The following REEP3 variants were observed in gnomAD, a reference collection of about 807,000 sequenced individuals.
REEP3 encodes receptor expression-enhancing protein 3.
REEP3 carries 20 observed loss-of-function variants against 41.3 expected under a neutral mutation model. The observed-to-expected ratio is 0.48, with a 90% CI of 0.34 to 0.70. The LOEUF is 0.70. Among genes scored for constraint, REEP3 ranks in the 30% least tolerant of loss-of-function variants. The pLI, the probability that REEP3 is intolerant of heterozygous loss-of-function variation, is 0.01. For missense variants in REEP3, 271 were observed against 308.8 expected (o/e 0.88, Z 0.92); for synonymous variants, 104 against 101.8 (o/e 1.02, Z -0.13).
intron 2 of REEP3, among the ~76,000 whole-genome samples, chr10:63,590,572 G>T (rs1036606700): frequency 6.6e-6 from 1 of 152,054 alleles, no homozygotes; most frequent in Admixed American, 6.6e-5. Flanking sequence ...TACATAGAAG[G>T]GAGGTGCAGA....
chr10:63,613,929 CA>C (rs1344384479), intron 6 of REEP3, among the ~76,000 whole-genome samples: 3 of 152,008 alleles, frequency 2.0e-5, no homozygotes, highest in African/African-American at 4.8e-5. Context: ...AGCATGATAT[CA>C]AAACCAGAAA....
chr10:63,604,008 T>C (rs1307332397), intron 5 of REEP3, among the ~76,000 whole-genome samples: 1 of 152,174 alleles, frequency 6.6e-6, no homozygotes, highest in Non-Finnish European at 1.5e-5. Context: ...ATCTGAAAAT[T>C]ATTTAACATT....
chr10:63,609,698 T>C (rs1312915826), intron 5 of REEP3, among the ~76,000 whole-genome samples: 1 of 152,064 alleles, frequency 6.6e-6, no homozygotes, highest in East Asian at 1.9e-4. Flanking sequence ...GAGGTAGAGG[T>C]TGCAGTAGCC....
At chr10:63,567,051 T>C in intron 2 of REEP3, among the ~76,000 whole-genome samples, 1 of 152,180 alleles carries the variant, frequency 6.6e-6, no homozygotes, top group East Asian at 1.9e-4. Flanking sequence ...TAAATGGCCT[T>C]CCCCACCTAT....
chr10:63,562,385 G>A (rs572639027), intron 1 of REEP3, among the ~76,000 whole-genome samples: 1 of 152,114 alleles, frequency 6.6e-6, no homozygotes, highest in East Asian at 1.9e-4. Flanking sequence ...AGCCTCCTGG[G>A]TAGCTGGGAT....
In REEP3 at chr10:63,610,246, C is replaced by T. The variant is rs1956267191; in HGVS notation, c.477C>T (p.Ile159=). The part of the protein sequence containing the change: ...RSFSMHDLTT[I]QGDEPVGQRP... ...TCAGTATGCATGATTTAACAACTAT[C>T]CAAGGTGATGAGCCTGTGGGACAAA... The change falls in exon 6 of 8, where the codon ATC becomes ATT. Residue 159 remains isoleucine, a synonymous_variant. Coordinates refer to ENST00000373758, the MANE Select transcript of REEP3 (RefSeq NM_001001330.3). 2 of 1,602,820 alleles carry T rather than the reference C, an allele frequency of 1.2e-6. No homozygotes were observed. Among genetic ancestry groups the T allele is most frequent in the South Asian group, 2.2e-5 (2 of 89,200 alleles).
chr10:63,540,005 A>G (rs896709534), intron 1 of REEP3, among the ~76,000 whole-genome samples: 1 of 152,264 alleles, frequency 6.6e-6, no homozygotes, highest in African/African-American at 2.4e-5. Flanking sequence ...CAAAAATTGT[A>G]AAATATTCTC....
intron 1 of REEP3, among the ~76,000 whole-genome samples, chr10:63,559,918 T>C (rs7898861): frequency 0.47 from 71,696 of 151,916 alleles, 17,214 homozygotes; most frequent in Middle Eastern, 0.56. Flanking sequence ...TAAATAATAT[T>C]TTTAAAGAAT....
chr10:63,561,855 G>C (rs1457149891), intron 1 of REEP3, among the ~76,000 whole-genome samples: 2 of 152,134 alleles, frequency 1.3e-5, no homozygotes, highest in African/African-American at 4.8e-5. Context: ...TGAAAGAAGT[G>C]AAGAATCCCA....
intron 1 of REEP3, 132 bp downstream of exon 1, chr10:63,521,709 G>A (rs1211437830): frequency 1.8e-5 from 9 of 509,578 alleles, no homozygotes; most frequent in Non-Finnish European, 2.7e-5. Flanking sequence ...GGCCTGCCGA[G>A]GGTCTGGGGG....
intron 2 of REEP3, among the ~76,000 whole-genome samples, chr10:63,588,889 G>A (rs1273284137): frequency 6.6e-6 from 1 of 152,150 alleles, no homozygotes; most frequent in Non-Finnish European, 1.5e-5. Context: ...ATAACTGGGG[G>A]AAATGCATTT....
intron 6 of REEP3, among the ~76,000 whole-genome samples, chr10:63,616,023 A>G (rs1032112413): frequency 6.6e-6 from 1 of 152,178 alleles, no homozygotes; most frequent in African/African-American, 2.4e-5. Flanking sequence ...AGAATATTTT[A>G]CAAAACCCAA....
chr10:63,601,806 A>G (rs925193829), intron 5 of REEP3, among the ~76,000 whole-genome samples: 1 of 152,118 alleles, frequency 6.6e-6, no homozygotes, highest in Non-Finnish European at 1.5e-5. Flanking sequence ...CTGTAGTCCC[A>G]GCTACTCAGG....
rs956712208 is a variant in REEP3 at position 63,621,418 on chromosome 10, G to C, written c.*549G>C. On this transcript the variant is annotated 3_prime_UTR_variant, in exon 8 of 8. Transcript: ENST00000373758. Reference sequence around the variant, plus strand: ...TTTTGAAACAAATATTTGAAAACCAGGTATCCACACATAGCACTTTTATTC... The same window carrying C: ...TTTTGAAACAAATATTTGAAAACCACGTATCCACACATAGCACTTTTATTC... The C allele has an allele frequency of 1.3e-5, 2 of 152,580 alleles. No individual in the cohort carries two copies. The highest frequency in any genetic ancestry group is 1.3e-4 in the Admixed American group (2 of 15,272). 9.5% of individuals were successfully genotyped at this position (152,580 alleles called of 1,614,324 possible).
At chr10:63,555,007 T>C (rs530443568) in intron 1 of REEP3, among the ~76,000 whole-genome samples, 2 of 152,244 alleles carry the variant, frequency 1.3e-5, no homozygotes, top group East Asian at 1.9e-4. Flanking sequence ...TGATTTTTTT[T>C]CCCCTCTAGT....
rs1483645126 is a variant in REEP3, at chr10:63,610,363, C to T, written c.565+29C>T. 3 of 1,543,934 alleles carry T rather than the reference C, an allele frequency of 1.9e-6. No individual in the cohort carries two copies. The East Asian group carries it at 7.4e-5, about 38-fold the overall frequency. On this transcript the variant is annotated intron_variant, in intron 6 of 7. Transcript: ENST00000373758. ...TGCTTGTGTGTTTTAATATACGGTT[C>T]TTTTACATGGAAACAGGGAGGGGAA...
chr10:63,586,091 A>G (rs35688755), intron 2 of REEP3, among the ~76,000 whole-genome samples: 30,622 of 152,206 alleles, frequency 0.2, 3,995 homozygotes, highest in Non-Finnish European at 0.29. Context: ...ATGCATACCT[A>G]TTAAATGAAG....
At chr10:63,594,220 A>C (rs1302137335) in intron 2 of REEP3, among the ~76,000 whole-genome samples, 1 of 89,262 alleles carries the variant, frequency 1.1e-5, no homozygotes, top group Non-Finnish European at 2.3e-5. Context: ...TCTACAAAAA[A>C]AAAAAAACCA....
chr10:63,554,808 G>T (rs1372345339), intron 1 of REEP3, among the ~76,000 whole-genome samples: 1 of 152,186 alleles, frequency 6.6e-6, no homozygotes, highest in Non-Finnish European at 1.5e-5. Flanking sequence ...ACAGGATGCT[G>T]AGTTACTGGA....
Sources: gnomAD v4.1 joint callset for allele counts (sites outside exome capture counted in the v4.1 genomes callset) on GRCh38, gnomAD v4.1.1 for gene constraint, MANE v1.5 for transcripts, NCBI Gene and HGNC (gene_info 2026-07-23, HGNC 2026-07-21) for gene names.